BAZ1A: variants seen among roughly 807,000 people sequenced by gnomAD.
BAZ1A encodes bromodomain adjacent to zinc finger domain protein 1A.
In BAZ1A, 50 loss-of-function variants were observed where a neutral mutation model predicts 185.2. That is an observed-to-expected ratio of 0.27 (90% CI 0.22 to 0.34). The LOEUF is 0.34. BAZ1A is among the 10% of genes least tolerant of loss of function. The pLI is 1.00. For synonymous variants in BAZ1A, 571 were observed against 615.6 expected, an observed-to-expected ratio of 0.93 and a Z score of 1.07; for missense variants, 1,356 against 1,839.9, an observed-to-expected ratio of 0.74 and a Z score of 4.81.
chr14:34,778,047 T>C (rs534611460), intron 17 of BAZ1A, among the ~76,000 whole-genome samples: 1 of 152,260 alleles, frequency 6.6e-6, no homozygotes, highest in East Asian at 1.9e-4. Context: ...CAAACTGTTA[T>C]TTACTAACCA....
At chr14:34,793,170 A>G (rs1880961081) in intron 11 of BAZ1A, among the ~76,000 whole-genome samples, 1 of 152,174 alleles carries the variant, frequency 6.6e-6, no homozygotes, top group South Asian at 2.1e-4. Flanking sequence ...AGATCAACAT[A>G]TTTCATTTAA....
intron 3 of BAZ1A, among the ~76,000 whole-genome samples, chr14:34,840,743 T>A (rs1449832210): frequency 6.7e-6 from 1 of 150,326 alleles, no homozygotes; most frequent in Non-Finnish European, 1.5e-5. Flanking sequence ...GGCGACAGAG[T>A]GAGACTCTGT....
chr14:34,762,138 G>GT lies in BAZ1A; in HGVS notation c.3861dup (p.Gln1288ThrfsTer23). 1 of 1,614,182 alleles carries GT rather than the reference G, an allele frequency of 6.2e-7. No homozygotes were observed. The highest frequency in any genetic ancestry group is 8.5e-7 in the Non-Finnish European group (1 of 1,180,032). On this transcript the variant is annotated frameshift_variant, in exon 24 of 27. Coordinates refer to ENST00000360310, the MANE Select transcript of BAZ1A (RefSeq NM_013448.3). LOFTEE classifies it high-confidence loss of function. Reference sequence around the variant, plus strand: ...GAAGGGTATCTTCCAGGTTCTTGTTGTTGGCCACGACTTGAGAAAGAAGAG... The same window carrying GT: ...GAAGGGTATCTTCCAGGTTCTTGTTGTTTGGCCACGACTTGAGAAAGAAGAG...
chr14:34,857,490 A>G (rs2042702359), intron 3 of BAZ1A, among the ~76,000 whole-genome samples: 1 of 152,156 alleles, frequency 6.6e-6, no homozygotes, highest in Admixed American at 6.5e-5. Flanking sequence ...ACTAAAGGCA[A>G]AAAATTGAGA....
intron 17 of BAZ1A, among the ~76,000 whole-genome samples, chr14:34,778,497 T>C (rs1297727971): frequency 6.6e-6 from 1 of 152,214 alleles, no homozygotes; most frequent in African/African-American, 2.4e-5. Context: ...TTTAAAAAAT[T>C]TGGCAGAATT....
chr14:34,830,526 G>A (rs1253534689), intron 3 of BAZ1A, among the ~76,000 whole-genome samples: 5 of 151,926 alleles, frequency 3.3e-5, no homozygotes, highest in Non-Finnish European at 4.4e-5. Flanking sequence ...GGGGGATGGC[G>A]GGGGCAGTGT....
chr14:34,827,286 G>A (rs1404351679), intron 3 of BAZ1A, among the ~76,000 whole-genome samples: 2 of 152,158 alleles, frequency 1.3e-5, no homozygotes, highest in East Asian at 1.9e-4. Context: ...TGTCTGTTAC[G>A]TCTAGTTGAT....
chr14:34,850,098 G>C (rs549389903), intron 3 of BAZ1A, among the ~76,000 whole-genome samples: 2 of 152,196 alleles, frequency 1.3e-5, no homozygotes, highest in African/African-American at 4.8e-5. Flanking sequence ...AAAAAGGTCA[G>C]GCCGGGCATA....
chr14:34,866,961 T>A (rs1396968472), intron 2 of BAZ1A, among the ~76,000 whole-genome samples: 1 of 148,216 alleles, frequency 6.7e-6, no homozygotes, highest in Non-Finnish European at 1.5e-5. Context: ...CATTCTTCTT[T>A]AAAAAAAAAA....
intron 2 of BAZ1A, among the ~76,000 whole-genome samples, chr14:34,868,703 A>AG (rs1410773103): frequency 6.6e-6 from 1 of 151,966 alleles, no homozygotes; most frequent in Admixed American, 6.6e-5. Flanking sequence ...CGGGACGCTG[A>AG]GGTGGGAGAA....
intron 12 of BAZ1A, among the ~76,000 whole-genome samples, chr14:34,790,744 A>C (rs1880789844): frequency 6.6e-6 from 1 of 152,332 alleles, no homozygotes; most frequent in Middle Eastern, 3.4e-3. Context: ...TTTAGTGGCC[A>C]ATACTTACTT....
At chr14:34,845,544 T>C (rs1199109777) in intron 3 of BAZ1A, among the ~76,000 whole-genome samples, 1 of 152,154 alleles carries the variant, frequency 6.6e-6, no homozygotes. Context: ...CAAGTTTATC[T>C]ATGAGAAAAG....
At chr14:34,855,388 T>C (rs1013784936) in intron 3 of BAZ1A, among the ~76,000 whole-genome samples, 11 of 152,174 alleles carry the variant, frequency 7.2e-5, no homozygotes, top group African/African-American at 2.2e-4. Context: ...TCTTTTCTTT[T>C]TCTGTTCATA....
intron 6 of BAZ1A, among the ~76,000 whole-genome samples, chr14:34,805,908 G>A (rs1176004216): frequency 2.0e-5 from 3 of 149,836 alleles, no homozygotes; most frequent in South Asian, 2.1e-4. Context: ...TCCCTTAGAC[G>A]GAGTCTCCTG....
At chr14:34,789,084 A>G (rs1220705322) in intron 12 of BAZ1A, among the ~76,000 whole-genome samples, 2 of 152,260 alleles carry the variant, frequency 1.3e-5, no homozygotes, top group East Asian at 3.8e-4. Flanking sequence ...CAAATGACAG[A>G]AATCATATTC....
Position 34,802,921 on chromosome 14 carries a change from G to A in BAZ1A, c.794C>T (p.Pro265Leu). ...GTTAGCAGGACTGAAGATAAATGTG[G>A]GTGGATCATCAGGGAAGAAATAAGA... ...DFSYFFPDDPPTFIFSPANRR... is the reference protein window; with the variant it reads ...DFSYFFPDDPLTFIFSPANRR... The change falls in exon 7 of 27, where the codon CCC becomes CTC. Residue 265 changes from proline (P) to leucine (L), a missense_variant. By Grantham distance (98) the Pro-to-Leu change is moderately conservative. Coordinates refer to ENST00000360310, the MANE Select transcript of BAZ1A (RefSeq NM_013448.3). 2 of 1,612,572 alleles carry A rather than the reference G, an allele frequency of 1.2e-6. No individual in the cohort carries two copies. The highest frequency in any genetic ancestry group is 1.7e-4 in the Middle Eastern group (1 of 6,060).
intron 12 of BAZ1A, among the ~76,000 whole-genome samples, chr14:34,787,365 AAAAG>A (rs1175216540): frequency 2.1e-5 from 3 of 144,842 alleles, no homozygotes; most frequent in Non-Finnish European, 4.5e-5. Flanking sequence ...AAAAAAAAAA[AAAAG>A]AAAAGAAAAC....
chr14:34,825,170 G>C (rs1026993048), intron 4 of BAZ1A, among the ~76,000 whole-genome samples: 13 of 151,954 alleles, frequency 8.6e-5, no homozygotes, highest in Admixed American at 2.6e-4. Context: ...AACAAAAGTA[G>C]GGGCCAGATG....
chr14:34,874,448 A>G lies in BAZ1A; in HGVS notation c.113+44T>C. 1.4e-6 allele frequency: 2 copies of G among 1,474,598 alleles called. No homozygotes were observed. The highest frequency in any genetic ancestry group is 2.3e-5 in the East Asian group (1 of 43,146). The allele number at this position is 1,474,598 out of a possible 1,614,324, so 91.3% of individuals were successfully genotyped here. ...AGAGACAAAAGAGCGCTGCGGGGGG[A>G]GTCCCCACACCCCCCGCGGCCCCGC... is the stretch of plus-strand genomic sequence containing the variant. On this transcript the variant is annotated intron_variant, in intron 2 of 26. Transcript: ENST00000360310. This position sits in a 1 kb window ranked among gnomAD's most constrained non-coding sequence, Gnocchi z 4.7.
Sources: allele counts gnomAD v4.1 joint callset (sites outside exome capture counted in the v4.1 genomes callset), GRCh38; gene constraint gnomAD v4.1.1; non-coding constraint Gnocchi (gnomAD v3.1); transcripts MANE v1.5; gene names NCBI Gene and HGNC (gene_info 2026-07-23, HGNC 2026-07-21).